Variants in SLC14A2 observed in about 807,000 individuals in gnomAD.
SLC14A2 encodes the protein urea transporter 2.
SLC14A2 carries 91 observed loss-of-function variants against 104.6 expected under a neutral mutation model. The ratio of observed to expected loss-of-function variants is 0.87; its 90% CI spans 0.73 to 1.04. The LOEUF is 1.04. SLC14A2 is among the 50% of genes least tolerant of loss of function. SLC14A2 has a pLI of 0.00. For missense variants in SLC14A2, 1,189 were observed against 1,156.0 expected (o/e 1.03, Z -0.41); for synonymous variants, 476 against 466.4 (o/e 1.02, Z -0.27).
intron 1 of SLC14A2, among the ~76,000 whole-genome samples, chr18:45,455,287 C>A (rs1199655794): frequency 6.6e-6 from 1 of 152,116 alleles, no homozygotes; most frequent in Non-Finnish European, 1.5e-5. Flanking sequence ...AAATGTGGCA[C>A]ATATACACCA....
intron 1 of SLC14A2, among the ~76,000 whole-genome samples, chr18:45,295,519 G>A (rs551253847): frequency 1.6e-4 from 25 of 152,208 alleles, no homozygotes; most frequent in Non-Finnish European, 3.1e-4. Context: ...AACTAGTAAA[G>A]AGCCCATTAC....
chr18:45,243,053 G>GA (rs1016971454), intron 1 of SLC14A2, among the ~76,000 whole-genome samples: 2 of 152,186 alleles, frequency 1.3e-5, no homozygotes, highest in African/African-American at 4.8e-5. Flanking sequence ...CTGGGGCTCA[G>GA]AAAAAACCTT....
At chr18:45,511,647 G>T (rs991723978) in intron 2 of SLC14A2, among the ~76,000 whole-genome samples, 1 of 152,196 alleles carries the variant, frequency 6.6e-6, no homozygotes, top group African/African-American at 2.4e-5. Flanking sequence ...AAGCTTGCAG[G>T]ATGAGCTGGG....
chr18:45,470,596 A>AT, intron 1 of SLC14A2, among the ~76,000 whole-genome samples: 2 of 152,158 alleles, frequency 1.3e-5, no homozygotes, highest in South Asian at 4.1e-4. Context: ...AGGTTTTAAC[A>AT]TTTTTCATTC....
intron 1 of SLC14A2, among the ~76,000 whole-genome samples, chr18:45,297,552 A>G (rs2084928720): frequency 6.6e-6 from 1 of 152,210 alleles, no homozygotes; most frequent in Non-Finnish European, 1.5e-5. Context: ...CCTGCTAGCT[A>G]TGGATTTAGG....
At chr18:45,360,518 A>G (rs1477881054) in intron 1 of SLC14A2, among the ~76,000 whole-genome samples, 27 of 152,220 alleles carry the variant, frequency 1.8e-4, no homozygotes, top group Admixed American at 1.7e-3. Context: ...TATAAGCAAC[A>G]TCCCATTTTC....
At chr18:45,448,127 T>C (rs2086799984) in intron 1 of SLC14A2, among the ~76,000 whole-genome samples, 1 of 152,180 alleles carries the variant, frequency 6.6e-6, no homozygotes, top group Non-Finnish European at 1.5e-5. Context: ...CCTGCTTCTA[T>C]TCTAGGCAAA....
At chr18:45,304,199 C>T (rs1021911373) in intron 1 of SLC14A2, among the ~76,000 whole-genome samples, 5 of 152,014 alleles carry the variant, frequency 3.3e-5, no homozygotes, top group Non-Finnish European at 7.4e-5. Flanking sequence ...AAAAGGCAAC[C>T]GGGAGTATGC....
At chr18:45,534,592 G>A (rs959390105) in intron 2 of SLC14A2, among the ~76,000 whole-genome samples, 2 of 152,108 alleles carry the variant, frequency 1.3e-5, no homozygotes, top group African/African-American at 4.8e-5. Flanking sequence ...ACAATAGCAT[G>A]TCGGAAACTT....
intron 1 of SLC14A2, among the ~76,000 whole-genome samples, chr18:45,234,339 A>G (rs1404196006): frequency 1.3e-5 from 2 of 152,224 alleles, no homozygotes; most frequent in Non-Finnish European, 2.9e-5. Flanking sequence ...ATATAGTCTT[A>G]GAGTGTTCAA....
chr18:45,592,022 C>T (rs1035806917), intron 2 of SLC14A2, among the ~76,000 whole-genome samples: 3 of 152,112 alleles, frequency 2.0e-5, no homozygotes, highest in African/African-American at 7.2e-5. Flanking sequence ...ACAGAGAGTC[C>T]AATACCTCTA....
intron 2 of SLC14A2, among the ~76,000 whole-genome samples, chr18:45,551,667 G>A (rs1223366953): frequency 6.6e-6 from 1 of 152,242 alleles, no homozygotes; most frequent in Non-Finnish European, 1.5e-5. Flanking sequence ...CAGAAGGGAA[G>A]AGTAGTGAGT....
At chr18:45,480,349 A>G (rs542599377) in intron 1 of SLC14A2, among the ~76,000 whole-genome samples, 4 of 152,158 alleles carry the variant, frequency 2.6e-5, no homozygotes, top group African/African-American at 7.2e-5. Context: ...ACCTCTTCAA[A>G]TTGCTCATGC....
intron 2 of SLC14A2, among the ~76,000 whole-genome samples, chr18:45,582,145 G>T (rs2044502032): frequency 1.3e-5 from 2 of 152,140 alleles, no homozygotes; most frequent in Admixed American, 1.3e-4. Context: ...TTGACCTACT[G>T]ACTTCCAAAG....
intron 1 of SLC14A2, among the ~76,000 whole-genome samples, chr18:45,314,736 A>T (rs1332826888): frequency 6.6e-6 from 1 of 152,226 alleles, no homozygotes; most frequent in Non-Finnish European, 1.5e-5. Context: ...AAGAACAAAA[A>T]TCCTTCAACA....
chr18:45,443,370 A>T (rs2086711682), intron 1 of SLC14A2, among the ~76,000 whole-genome samples: 1 of 152,232 alleles, frequency 6.6e-6, no homozygotes, highest in South Asian at 2.1e-4. Flanking sequence ...TGGACAAAAA[A>T]AGGCATCATC....
At chr18:45,274,853 G>A (rs1469027885) in intron 1 of SLC14A2, among the ~76,000 whole-genome samples, 3 of 152,212 alleles carry the variant, frequency 2.0e-5, no homozygotes. Flanking sequence ...TAGAGAACGT[G>A]ATTTTTGGTG....
intron 2 of SLC14A2, among the ~76,000 whole-genome samples, chr18:45,567,004 C>T (rs2044275305): frequency 6.6e-6 from 1 of 151,822 alleles, no homozygotes; most frequent in Non-Finnish European, 1.5e-5. Context: ...GACATATAGA[C>T]ACAAACCACT....
intron 1 of SLC14A2, among the ~76,000 whole-genome samples, chr18:45,465,905 G>GA (rs959354531): frequency 2.2e-4 from 32 of 144,834 alleles, no homozygotes; most frequent in South Asian, 4.4e-4. Flanking sequence ...CTGCTGGACA[G>GA]AAAAAAAAAA....
Sources: gnomAD v4.1 joint callset for allele counts (sites outside exome capture counted in the v4.1 genomes callset) on GRCh38, gnomAD v4.1.1 for gene constraint, MANE v1.5 for transcripts, NCBI Gene and HGNC (gene_info 2026-07-23, HGNC 2026-07-21) for gene names.